Variants in DNAJC7 observed in about 807,000 individuals in gnomAD.
The protein encoded by DNAJC7 is dnaJ homolog subfamily C member 7.
DNAJC7 carries 18 observed loss-of-function variants against 67.4 expected under a neutral mutation model. The observed-to-expected ratio is 0.27, with a 90% CI of 0.18 to 0.40. The LOEUF is 0.40. DNAJC7 is among the 10% of genes least tolerant of loss of function. DNAJC7 has a pLI of 1.00. For missense variants in DNAJC7, 419 were observed against 613.8 expected (o/e 0.68, Z 3.35); for synonymous variants, 220 against 207.8 (o/e 1.06, Z -0.50).
In DNAJC7 at chr17:41,982,240, C is replaced by T. The variant is rs1555646091; in HGVS notation, c.1231+15G>A. 6.2e-7 allele frequency: 1 copy of T among 1,613,824 alleles called. No homozygotes were observed. The highest frequency in any genetic ancestry group is 2.2e-5 in the East Asian group (1 of 44,862). On this transcript the variant is annotated intron_variant, in intron 11 of 13. Coordinates refer to ENST00000457167, the MANE Select transcript of DNAJC7 (RefSeq NM_003315.4). Reference sequence around the variant, plus strand: ...GGGTTCTTCCCACTGAGCCCACTCCCCGCACCTACTCTACCTGGATGGTGC... The same window carrying T: ...GGGTTCTTCCCACTGAGCCCACTCCTCGCACCTACTCTACCTGGATGGTGC...
chr17:41,976,909 G>T, intron 13 of DNAJC7, 139 bp from the exon 14 acceptor site: 1 of 1,123,228 alleles, frequency 8.9e-7, no homozygotes, highest in Non-Finnish European at 1.3e-6. Flanking sequence ...AACAGCTCAG[G>T]CTGTTTTTGG....
intron 1 of DNAJC7, chr17:42,017,090 G>C: frequency 7.0e-7 from 1 of 1,420,314 alleles, no homozygotes; most frequent in South Asian, 1.5e-5. Context: ...TCTCCTATAA[G>C]GACGATCGTC....
At chr17:42,000,690 C>A in intron 1 of DNAJC7, 120 bp from the exon 2 acceptor site, 1 of 677,680 alleles carries the variant, frequency 1.5e-6, no homozygotes, top group Non-Finnish European at 2.4e-6. Flanking sequence ...TAGTGTGATA[C>A]TTGAAGGATT....
At chr17:41,978,431 C>A (rs1555645312) in intron 12 of DNAJC7, among the ~76,000 whole-genome samples, 3 of 152,352 alleles carry the variant, frequency 2.0e-5, no homozygotes, top group East Asian at 3.9e-4. Flanking sequence ...AACTCCCTGA[C>A]TGTGCCCTCC....
At chr17:41,997,544 C>T (rs1956171230) in intron 2 of DNAJC7, among the ~76,000 whole-genome samples, 1 of 152,056 alleles carries the variant, frequency 6.6e-6, no homozygotes, top group South Asian at 2.1e-4. Context: ...TTGCAGTGAC[C>T]CAAGAGCACA....
chr17:41,994,724 G>A lies in DNAJC7; in HGVS notation c.480+146C>T, dbSNP rs1598134751. On this transcript the variant is annotated intron_variant, in intron 5 of 13. Transcript: ENST00000457167. The stretch of plus-strand genomic sequence containing the variant: ...GTACCTTAGCACAAAACATTTTTAA[G>A]AGGAAAAGTCAGAAGCCTAATTTAA... 4.5e-6 allele frequency: 3 copies of A among 659,896 alleles called. No individual in the cohort carries two copies. In the East Asian group the frequency reaches 8.2e-5, roughly 18 times the overall value. 40.9% of individuals were successfully genotyped at this position (659,896 alleles called of 1,614,324 possible). A position where few individuals can be genotyped will look rare whatever the true frequency, so the allele number is the denominator to read the frequency against.
chr17:42,011,482 C>A (rs2052115940), intron 1 of DNAJC7: 1 of 152,152 alleles, frequency 6.6e-6, no homozygotes, highest in Non-Finnish European at 1.5e-5. Flanking sequence ...TGTACTCTAC[C>A]TTTGCTCCAG....
intron 9 of DNAJC7, chr17:41,986,070 A>AAAAAG (rs1440351750): frequency 6.8e-6 from 1 of 146,940 alleles, no homozygotes; most frequent in Non-Finnish European, 1.5e-5. Flanking sequence ...AAAAAAAAAA[A>AAAAAG]AAAAAAAAAG....
chr17:41,989,690 G>T, intron 6 of DNAJC7, 133 bp from the exon 7 acceptor site: 2 of 1,191,094 alleles, frequency 1.7e-6, no homozygotes, highest in Non-Finnish European at 2.3e-6. Flanking sequence ...AGATTCCCAA[G>T]AACTGTTCCC....
At chr17:41,994,646 T>C (rs2051607821) in intron 5 of DNAJC7, among the ~76,000 whole-genome samples, 2 of 151,996 alleles carry the variant, frequency 1.3e-5, no homozygotes, top group East Asian at 3.8e-4. Context: ...CAAACTCAAG[T>C]GGCACACTCA....
In DNAJC7 at chr17:41,994,592, A is replaced by G. The variant is rs2051606989; in HGVS notation, c.480+278T>C. Among the ~76,000 whole-genome samples the G allele has an allele frequency of 1.3e-5, 2 of 151,980 alleles. 1 individual carries two copies. Among genetic ancestry groups the G allele is most frequent in the South Asian group, 4.1e-4 (2 of 4,822 alleles). On this transcript the variant is annotated intron_variant, in intron 5 of 13. Transcript: ENST00000457167. The stretch of plus-strand genomic sequence containing the variant: ...AATTCCAGCGGGCTTTCCCTTTATT[A>G]AGAAGTACACTATTAGACCAGTGCT...
In DNAJC7 at chr17:41,997,191, A is replaced by G. The variant is rs781858548; in HGVS notation, c.215T>C (p.Leu72Ser). 6.8e-6 allele frequency: 11 copies of G among 1,613,822 alleles called. No individual in the cohort carries two copies. The highest frequency in any genetic ancestry group is 8.5e-6 in the Non-Finnish European group (10 of 1,179,874). ...TTCCCGGAACCTTCCAAGCATCATC[A>G]AGGTGGCTGCTCGATTACCATAATA... Reference protein sequence around the residue: ...ASYYGNRAATLMMLGRFREAL... With the variant: ...ASYYGNRAATSMMLGRFREAL... The change falls in exon 3 of 14, where the codon TTG (leucine) becomes TCG (serine). Residue 72 changes from leucine (L) to serine (S), a missense_variant. Physicochemically the swap from Leu to Ser is moderately radical, Grantham distance 145. Transcript: ENST00000457167.
At chr17:41,983,372 C>A (rs376392322) in intron 10 of DNAJC7, among the ~76,000 whole-genome samples, 191 bp downstream of exon 10, 10 of 152,268 alleles carry the variant, frequency 6.6e-5, no homozygotes, top group South Asian at 2.1e-4. Flanking sequence ...GATCTGCCTG[C>A]CTCAGCCTCC....
rs1555648799 is a variant in DNAJC7, at chr17:41,997,221, G to A, written c.185C>T (p.Ala62Val). 6.2e-7 allele frequency: 1 copy of A among 1,613,682 alleles called. No individual in the cohort carries two copies. The highest frequency in any genetic ancestry group is 8.5e-7 in the Non-Finnish European group (1 of 1,179,770). Residue 62 changes from alanine (A) to valine (V), a missense_variant, in exon 3 of 14, where the codon GCT becomes GTT. By Grantham distance (64) the Ala-to-Val change is moderately conservative. Coordinates refer to ENST00000457167, the MANE Select transcript of DNAJC7 (RefSeq NM_003315.4). ...TKAIDMCPKN[A>V]SYYGNRAATL... is the part of the protein sequence containing the mutation. ...GGCTGCTCGATTACCATAATAGCTA[G>A]CATTTTTAGGACACATATCTATAGG...
intron 1 of DNAJC7, among the ~76,000 whole-genome samples, chr17:42,008,718 A>G (rs2052040027): frequency 6.7e-6 from 1 of 148,760 alleles, no homozygotes; most frequent in Non-Finnish European, 1.5e-5. Flanking sequence ...TCAGACATAT[A>G]TTTTTTGAGA....
At chr17:41,982,167 C>T in intron 11 of DNAJC7, 88 bp downstream of exon 11, 1 of 1,569,194 alleles carries the variant, frequency 6.4e-7, no homozygotes. Flanking sequence ...TGAAGGACCT[C>T]TCCAAGGGGT....
chr17:41,982,804 C>CA (rs1261513448), intron 10 of DNAJC7, among the ~76,000 whole-genome samples: 1 of 151,846 alleles, frequency 6.6e-6, no homozygotes, highest in Non-Finnish European at 1.5e-5. Flanking sequence ...ACTAAAAATA[C>CA]AAAAAATTAG....
At chr17:42,007,461 G>A (rs1029261991) in intron 1 of DNAJC7, among the ~76,000 whole-genome samples, 8 of 152,052 alleles carry the variant, frequency 5.3e-5, no homozygotes, top group Non-Finnish European at 1.2e-4. Flanking sequence ...AGTAAAAGGA[G>A]CCCAGGAGCC....
Position 42,000,567 on chromosome 17 carries a change from T to C in DNAJC7, c.81A>G (p.Glu27=), listed in dbSNP as rs1555649375. 6.2e-7 allele frequency: 1 copy of C among 1,605,822 alleles called. No individual in the cohort carries two copies. The change falls in exon 2 of 14, where the codon GAA becomes GAG. Residue 27 remains glutamate, a synonymous_variant. Transcript: ENST00000457167. Reference sequence around the variant, plus strand: ...TTCCTTGTTCCTTGAAAGTCTCTGCTTCCCTGAAAATGAAAGAGAAAGAGA... The same window carrying C: ...TTCCTTGTTCCTTGAAAGTCTCTGCCTCCCTGAAAATGAAAGAGAAAGAGA... ...ELLDDQEAKR[E]AETFKEQGNA...
Sources: allele counts gnomAD v4.1 joint callset (sites outside exome capture counted in the v4.1 genomes callset), GRCh38; gene constraint gnomAD v4.1.1; transcripts MANE v1.5; gene names NCBI Gene and HGNC (gene_info 2026-07-23, HGNC 2026-07-21).